Variants in CHIT1 observed in about 807,000 individuals in gnomAD.
The protein encoded by CHIT1 is chitotriosidase-1.
A neutral mutation model predicts 52.0 loss-of-function variants in CHIT1; 47 were observed. That is an observed-to-expected ratio of 0.90 (90% confidence interval 0.71 to 1.15). The LOEUF (loss-of-function observed/expected upper bound fraction) is 1.15, where lower values mean the gene tolerates loss of function less well. Among genes scored for constraint, CHIT1 ranks in the 50% most tolerant of loss-of-function variants. The pLI is 0.00. For synonymous variants in CHIT1, 242 were observed against 228.2 expected, an observed-to-expected ratio of 1.06 and a Z score of -0.54; for missense variants, 569 against 583.0, an observed-to-expected ratio of 0.98 and a Z score of 0.25.
At chr1:203,219,080 T>C in intron 9 of CHIT1, 136 bp downstream of exon 9, 1 of 724,368 alleles carries the variant, frequency 1.4e-6, no homozygotes, top group East Asian at 2.5e-5. Flanking sequence ...TACAAAATAC[T>C]ATCACGTGGA....
chr1:203,219,209 G>T lies in CHIT1; in HGVS notation c.1029+7C>A, dbSNP rs368993043. 2.0e-5 allele frequency: 29 copies of T among 1,485,158 alleles called. No homozygotes were observed. The highest frequency in any genetic ancestry group is 2.7e-5 in the Non-Finnish European group (29 of 1,061,942). The allele number at this position is 1,485,158 out of a possible 1,614,324, so 92.0% of individuals were successfully genotyped here. Reference sequence around the variant, plus strand: ...ACCACCCCTCTGCCAGCAGAGCTGGGCCTCACCTTGGTTTTGAAGCTCTCC... The same window carrying T: ...ACCACCCCTCTGCCAGCAGAGCTGGTCCTCACCTTGGTTTTGAAGCTCTCC... On this transcript the variant is annotated splice_region_variant and intron_variant, in intron 9 of 10. Transcript: ENST00000367229.
At chr1:203,219,567 G>T in intron 8 of CHIT1, 97 bp downstream of exon 8, 1 of 1,390,228 alleles carries the variant, frequency 7.2e-7, no homozygotes, top group Non-Finnish European at 1.0e-6. Context: ...CTCTGCAATT[G>T]GCATCCTTAC....
rs750071986 is a variant in CHIT1 at position 203,216,749 on chromosome 1, G to A, written c.*140C>T. Reference sequence around the variant, plus strand: ...CCAGAAAAAAGGAAGGCAAGGCTGAGAGCAGAAAGCCTGGATAAAGGAAGA... The same window carrying A: ...CCAGAAAAAAGGAAGGCAAGGCTGAAAGCAGAAAGCCTGGATAAAGGAAGA... On this transcript the variant is annotated 3_prime_UTR_variant, in exon 11 of 11. Coordinates refer to ENST00000367229, the MANE Select transcript of CHIT1 (RefSeq NM_003465.3). The A allele has an allele frequency of 8.7e-7, 1 of 1,150,256 alleles. No homozygotes were observed. The highest frequency in any genetic ancestry group is 1.3e-6 in the Non-Finnish European group (1 of 774,096). 71.3% of individuals were successfully genotyped at this position (1,150,256 alleles called of 1,614,324 possible). A position where few individuals can be genotyped will look rare whatever the true frequency, so the allele number is the denominator to read the frequency against.
chr1:203,224,622 C>G (rs547031523), intron 4 of CHIT1, among the ~76,000 whole-genome samples: 1 of 152,152 alleles, frequency 6.6e-6, no homozygotes, highest in Admixed American at 6.5e-5. Context: ...CATCCAGGCT[C>G]AATCTCACAG....
At chr1:203,228,796 G>A (rs1404106454) in intron 1 of CHIT1, among the ~76,000 whole-genome samples, 3 of 152,192 alleles carry the variant, frequency 2.0e-5, no homozygotes, top group Non-Finnish European at 2.9e-5. Flanking sequence ...AAGTTCCATG[G>A]GCTGAGGCTG....
chr1:203,217,835 C>CGCCCAGTCCCTAGACCATGGCCCA lies in CHIT1; in HGVS notation c.1059_1060insTGGGCCATGGTCTAGGGACTGGGC (p.Gly353_Gly354insTrpAlaMetValTer), dbSNP rs760729445. On this transcript the variant is annotated stop_gained and inframe_insertion, in exon 10 of 11. Coordinates refer to ENST00000367229, the MANE Select transcript of CHIT1 (RefSeq NM_003465.3). LOFTEE classifies it high-confidence loss of function. ...AAGTCCAGTGCCCAGACCATGGCCCCGCCCAGTCCCTTCTGCTTCAGATAG... is the reference window on the plus strand; with the variant it reads ...AAGTCCAGTGCCCAGACCATGGCCCCGCCCAGTCCCTAGACCATGGCCCAGCCCAGTCCCTTCTGCTTCAGATAG... The CGCCCAGTCCCTAGACCATGGCCCA allele has an allele frequency of 6.2e-7, 1 of 1,613,930 alleles. No individual in the cohort carries two copies. Among genetic ancestry groups the CGCCCAGTCCCTAGACCATGGCCCA allele is most frequent in the Non-Finnish European group, 8.5e-7 (1 of 1,179,956 alleles).
upstream of CHIT1, chr1:203,229,972 G>T (rs1657075449): frequency 4.9e-6 from 2 of 404,052 alleles, no homozygotes; most frequent in Non-Finnish European, 9.4e-6. Context: ...ACCATAAGCA[G>T]CCCCAGACTT....
At chr1:203,224,583 A>G (rs1308484807) in intron 4 of CHIT1, among the ~76,000 whole-genome samples, 1 of 152,202 alleles carries the variant, frequency 6.6e-6, no homozygotes, top group Admixed American at 6.5e-5. Flanking sequence ...AATCATTTAA[A>G]AAATGTCCCC....
chr1:203,228,605 C>T (rs1245956362), intron 1 of CHIT1, 43 bp from the exon 2 acceptor site: 23 of 1,561,726 alleles, frequency 1.5e-5, no homozygotes, highest in Non-Finnish European at 1.9e-5. Context: ...TGCTGCCATT[C>T]TCACCTTCCC....
chr1:203,225,821 T>A lies in CHIT1; in HGVS notation c.105A>T (p.Arg35Ser), dbSNP rs765975898. The A allele has an allele frequency of 1.2e-4, 191 of 1,614,010 alleles. No homozygotes were observed. Among genetic ancestry groups the A allele is most frequent in the Non-Finnish European group, 1.5e-4 (179 of 1,180,042 alleles). ...TGGGCAGGAAGCGAGCCTCCCCCTG[T>A]CTGTACTGGGCCCAGTTGGTGAAGT... is the stretch of plus-strand genomic sequence containing the variant. Reference protein sequence around the residue: ...VCYFTNWAQYRQGEARFLPKD... With the variant: ...VCYFTNWAQYSQGEARFLPKD... The change falls in exon 3 of 11, where the codon AGA (arginine) becomes AGT (serine). Residue 35 changes from arginine to serine, a missense_variant. Coordinates refer to ENST00000367229, the MANE Select transcript of CHIT1 (RefSeq NM_003465.3).
chr1:203,229,931 G>A, upstream of CHIT1: 1 of 470,858 alleles, frequency 2.1e-6, no homozygotes, highest in Non-Finnish European at 4.0e-6. Context: ...GGATGAGCAT[G>A]ACCCTGACTT....
Position 203,223,554 on chromosome 1 carries a change from A to G in CHIT1, c.421T>C (p.Tyr141His). Residue 141 changes from tyrosine to histidine, a missense_variant, in exon 5 of 11, where the codon TAC (tyrosine) becomes CAC (histidine). Coordinates refer to ENST00000367229, the MANE Select transcript of CHIT1 (RefSeq NM_003465.3). ...SFDGLDLDWE[Y>H]PGSQGSPAVD... ...GCAGGGCTCCCCTGGCTTCCTGGGT[A>G]CTCCCAGTCAAGGTCAAGGCCGTCA... 1 of 1,613,904 alleles carries G rather than the reference A, an allele frequency of 6.2e-7. No individual in the cohort carries two copies. Among genetic ancestry groups the G allele is most frequent in the Non-Finnish European group, 8.5e-7 (1 of 1,179,974 alleles).
chr1:203,224,795 C>G (rs921146449), intron 4 of CHIT1, among the ~76,000 whole-genome samples: 1 of 152,154 alleles, frequency 6.6e-6, no homozygotes, highest in Non-Finnish European at 1.5e-5. Flanking sequence ...AGGTCTGAGC[C>G]CTCTGCTGTG....
intron 3 of CHIT1, 104 bp downstream of exon 3, chr1:203,225,565 G>T: frequency 8.6e-7 from 1 of 1,161,858 alleles, no homozygotes; most frequent in Non-Finnish European, 1.3e-6. Flanking sequence ...CCACACAGTG[G>T]GTCTGTGGCA....
chr1:203,219,680 A>T lies in CHIT1; in HGVS notation c.899T>A (p.Met300Lys). 6.2e-7 allele frequency: 1 copy of T among 1,614,148 alleles called. No individual in the cohort carries two copies. Residue 300 changes from methionine (M) to lysine (K), a missense_variant, in exon 8 of 11, where the codon ATG becomes AAG. Met to Lys is a moderately conservative substitution (Grantham distance 95). Transcript: ENST00000367229. Reference protein sequence around the residue: ...TPGPFTKEGGMLAYYEVCSWK... With the variant: ...TPGPFTKEGGKLAYYEVCSWK... ...TTTTCCTACTTCATAGTAGGCCAGC[A>T]TCCCTCCTTCCTTGGTGAAGGGGCC...
Position 203,229,582 on chromosome 1 carries a change from C to T in CHIT1, c.25+30G>A, listed in dbSNP as rs761527743. On this transcript the variant is annotated intron_variant, in intron 1 of 10. Coordinates refer to ENST00000367229, the MANE Select transcript of CHIT1 (RefSeq NM_003465.3). ...CACATCCCCACCTCCCCACAGCTCC[C>T]GAGACCCAGCCCACTATCCGACGGC... The T allele has an allele frequency of 5.6e-6, 9 of 1,613,494 alleles. No individual in the cohort carries two copies. The East Asian group carries it at 6.7e-5, about 12-fold the overall frequency.
intron 2 of CHIT1, 37 bp downstream of exon 2, chr1:203,228,496 G>C (rs1216877267): frequency 1.9e-6 from 3 of 1,572,192 alleles, no homozygotes; most frequent in Non-Finnish European, 2.6e-6. Flanking sequence ...CAGAGCCCAG[G>C]GAAGGGGCTG....
At position 203,219,285 on chromosome 1, in the gene CHIT1, C is replaced by T. The variant is rs374075401; in HGVS notation, c.960G>A (p.Gln320=). The T allele has an allele frequency of 3.7e-6, 6 of 1,613,514 alleles. No homozygotes were observed. In the East Asian group the frequency reaches 6.7e-5, roughly 18 times the overall value. ...KGATKQRIQD[Q]KVPYIFRDNQ... ...TGTCCCGGAAGATGTAGGGCACCTT[C>T]TGATCCTGGATTCTCTGTTTGGTGG... Residue 320 remains glutamine (Q), a synonymous_variant, in exon 9 of 11, where the codon CAG becomes CAA. Transcript: ENST00000367229.
intron 7 of CHIT1, among the ~76,000 whole-genome samples, chr1:203,221,391 T>C (rs1239486862): frequency 6.6e-6 from 1 of 152,100 alleles, no homozygotes; most frequent in Non-Finnish European, 1.5e-5. Flanking sequence ...TCCAACACTT[T>C]GGGAGGCTGA....
Sources: allele counts gnomAD v4.1 joint callset (sites outside exome capture counted in the v4.1 genomes callset), GRCh38; gene constraint gnomAD v4.1.1; transcripts MANE v1.5; gene names NCBI Gene and HGNC (gene_info 2026-07-23, HGNC 2026-07-21).